TMEM132C: variants seen among roughly 807,000 people sequenced by gnomAD.
TMEM132C encodes transmembrane protein 132C, also known as protein phosphatase 1, regulatory subunit 152.
TMEM132C carries 29 observed loss-of-function variants against 61.4 expected under a neutral mutation model. The ratio of observed to expected loss-of-function variants is 0.47; its 90% CI spans 0.35 to 0.64. The LOEUF (loss-of-function observed/expected upper bound fraction) is 0.64, where lower values mean the gene tolerates loss of function less well. TMEM132C is among the 30% of genes least tolerant of loss of function. The pLI, the probability that TMEM132C is intolerant of heterozygous loss-of-function variation, is 0.00. For synonymous variants in TMEM132C, 656 were observed against 633.1 expected (o/e 1.04, Z -0.54); for missense variants, 1,408 against 1,476.9 (o/e 0.95, Z 0.76).
At chr12:128,521,072 CTCT>C (rs372109128) in intron 2 of TMEM132C, among the ~76,000 whole-genome samples, 298 of 152,186 alleles carry the variant, frequency 2.0e-3, no homozygotes, top group African/African-American at 6.8e-3. Flanking sequence ...CGTTTCTCTC[CTCT>C]TTCTTTAATT....
At chr12:128,606,251 G>A (rs1876419123) in intron 3 of TMEM132C, among the ~76,000 whole-genome samples, 1 of 152,242 alleles carries the variant, frequency 6.6e-6, no homozygotes, top group African/African-American at 2.4e-5. Context: ...GCTTCAGGAA[G>A]TTGCATCCTG....
intron 1 of TMEM132C, among the ~76,000 whole-genome samples, chr12:128,402,661 C>T (rs977028707): frequency 6.6e-6 from 1 of 152,158 alleles, no homozygotes; most frequent in Non-Finnish European, 1.5e-5. Flanking sequence ...TGTGGGTGGT[C>T]AGCGGGGGAG....
At chr12:128,301,805 G>A (rs1225620227) in intron 1 of TMEM132C, among the ~76,000 whole-genome samples, 1 of 152,154 alleles carries the variant, frequency 6.6e-6, no homozygotes, top group Non-Finnish European at 1.5e-5. Context: ...CTGAGACTGG[G>A]TAATTTATAA....
At chr12:128,517,182 G>C (rs1872745006) in intron 2 of TMEM132C, among the ~76,000 whole-genome samples, 1 of 151,696 alleles carries the variant, frequency 6.6e-6, no homozygotes, top group African/African-American at 2.4e-5. Flanking sequence ...AGTGAGGCGA[G>C]ATCACACCAC....
At chr12:128,629,160 G>A (rs760981014) in intron 4 of TMEM132C, among the ~76,000 whole-genome samples, 4 of 152,124 alleles carry the variant, frequency 2.6e-5, no homozygotes, top group East Asian at 1.9e-4. Context: ...TTTTTCAAAC[G>A]AGAATGGAGT....
chr12:128,652,017 C>G (rs982246231), intron 4 of TMEM132C, among the ~76,000 whole-genome samples: 1 of 152,172 alleles, frequency 6.6e-6, no homozygotes, highest in African/African-American at 2.4e-5. Flanking sequence ...GTGACTAATG[C>G]AGTTAGCACC....
chr12:128,453,465 T>G (rs1870242719), intron 2 of TMEM132C, among the ~76,000 whole-genome samples: 3 of 152,204 alleles, frequency 2.0e-5, no homozygotes. Flanking sequence ...GTACCTGGGC[T>G]TCTTGACATG....
intron 5 of TMEM132C, among the ~76,000 whole-genome samples, chr12:128,675,093 A>G (rs1954570578): frequency 6.6e-6 from 1 of 151,946 alleles, no homozygotes; most frequent in African/African-American, 2.4e-5. Context: ...TCTTTCCTTC[A>G]TTCTTTCCTT....
intron 1 of TMEM132C, among the ~76,000 whole-genome samples, chr12:128,342,753 C>T (rs537961027): frequency 6.6e-6 from 1 of 152,348 alleles, no homozygotes; most frequent in South Asian, 2.1e-4. Flanking sequence ...CTGCTGCTCT[C>T]CTTCTCTGCC....
chr12:128,273,686 A>G (rs1870592894), intron 1 of TMEM132C, among the ~76,000 whole-genome samples: 1 of 152,048 alleles, frequency 6.6e-6, no homozygotes. Context: ...TTGGCTTATT[A>G]TTTATACTTC....
chr12:128,589,988 C>G (rs899345053), intron 3 of TMEM132C, among the ~76,000 whole-genome samples: 9 of 152,162 alleles, frequency 5.9e-5, no homozygotes, highest in Non-Finnish European at 1.2e-4. Flanking sequence ...CTGTGCCTTC[C>G]TCAAGAGGAA....
intron 1 of TMEM132C, among the ~76,000 whole-genome samples, chr12:128,320,078 C>A (rs1872281427): frequency 1.3e-5 from 2 of 152,190 alleles, no homozygotes; most frequent in South Asian, 4.2e-4. Flanking sequence ...TAAGGCACAA[C>A]CCAAGTCGCC....
chr12:128,547,040 G>C (rs369698342), intron 3 of TMEM132C, among the ~76,000 whole-genome samples: 180 of 152,312 alleles, frequency 1.2e-3, no homozygotes, highest in African/African-American at 4.2e-3. Context: ...GGGGAATGGC[G>C]TTCCTTCCCA....
At chr12:128,679,693 A>T (rs147523735) in intron 5 of TMEM132C, among the ~76,000 whole-genome samples, 1 of 152,332 alleles carries the variant, frequency 6.6e-6, no homozygotes, top group African/African-American at 2.4e-5. Context: ...TTTATTGAGC[A>T]CGTACTATGC....
At chr12:128,315,171 A>T (rs1180180717) in intron 1 of TMEM132C, among the ~76,000 whole-genome samples, 2 of 152,104 alleles carry the variant, frequency 1.3e-5, no homozygotes, top group Non-Finnish European at 2.9e-5. Flanking sequence ...CTTGGAGGGG[A>T]CATGCTCAGG....
intron 5 of TMEM132C, among the ~76,000 whole-genome samples, chr12:128,676,062 T>C (rs953128143): frequency 2.6e-5 from 4 of 152,220 alleles, no homozygotes; most frequent in African/African-American, 7.2e-5. Context: ...CTAATCCATA[T>C]TCTGTTTTCC....
At chr12:128,368,163 G>C (rs935481129) in intron 1 of TMEM132C, among the ~76,000 whole-genome samples, 1 of 152,206 alleles carries the variant, frequency 6.6e-6, no homozygotes, top group African/African-American at 2.4e-5. Flanking sequence ...TGGACATGGG[G>C]CATAGTTCAT....
At chr12:128,384,976 C>T (rs1196542024) in intron 1 of TMEM132C, among the ~76,000 whole-genome samples, 1 of 152,234 alleles carries the variant, frequency 6.6e-6, no homozygotes, top group Non-Finnish European at 1.5e-5. Context: ...TCACGTCTGT[C>T]AAAGTCCAGC....
chr12:128,330,012 A>G (rs971155813), intron 1 of TMEM132C, among the ~76,000 whole-genome samples: 1 of 152,054 alleles, frequency 6.6e-6, no homozygotes, highest in Non-Finnish European at 1.5e-5. Flanking sequence ...GAAGCGCTCT[A>G]TTTGCCTGTA....
Sources: gnomAD v4.1 joint callset for allele counts (sites outside exome capture counted in the v4.1 genomes callset) on GRCh38, gnomAD v4.1.1 for gene constraint, MANE v1.5 for transcripts, NCBI Gene and HGNC (gene_info 2026-07-23, HGNC 2026-07-21) for gene names.